Variants in PTPN12 observed in about 807,000 individuals in gnomAD.
The protein encoded by PTPN12 is tyrosine-protein phosphatase non-receptor type 12.
Under a neutral mutation model 97.6 loss-of-function variants are expected in PTPN12, and 29 were observed. That is an observed-to-expected ratio of 0.30 (90% CI 0.22 to 0.41). The LOEUF is 0.41. PTPN12 is among the 10% of genes least tolerant of loss of function. The probability of loss-of-function intolerance (pLI) is 1.00; values close to 1 mark genes in which losing one functional copy is unlikely to be tolerated. For missense variants in PTPN12, 819 were observed against 926.0 expected, an observed-to-expected ratio of 0.88 and a Z score of 1.50; for synonymous variants, 327 against 300.4, an observed-to-expected ratio of 1.09 and a Z score of -0.91.
intron 6 of PTPN12, among the ~76,000 whole-genome samples, chr7:77,596,813 C>G (rs1788036241): frequency 6.6e-6 from 1 of 152,188 alleles, no homozygotes; most frequent in African/African-American, 2.4e-5. Flanking sequence ...ATGTAGCCCT[C>G]ATTATCAACA....
chr7:77,577,961 A>G (rs1375493736), intron 2 of PTPN12, among the ~76,000 whole-genome samples: 1 of 152,210 alleles, frequency 6.6e-6, no homozygotes, highest in Non-Finnish European at 1.5e-5. Context: ...ATGGATATAC[A>G]AAGATTCATT....
chr7:77,541,002 T>TA (rs1806946730), intron 1 of PTPN12, among the ~76,000 whole-genome samples: 1 of 152,258 alleles, frequency 6.6e-6, no homozygotes, highest in Admixed American at 6.5e-5. Flanking sequence ...TGACTGGTGA[T>TA]GATGCTCTTT....
At chr7:77,551,954 A>C (rs1584096549) in intron 1 of PTPN12, among the ~76,000 whole-genome samples, 1 of 152,222 alleles carries the variant, frequency 6.6e-6, no homozygotes, top group Non-Finnish European at 1.5e-5. Flanking sequence ...ATGAATGCCA[A>C]GGAGAAACAT....
chr7:77,537,814 C>A (rs547014628), intron 1 of PTPN12, among the ~76,000 whole-genome samples, 169 bp downstream of exon 1: 3 of 152,114 alleles, frequency 2.0e-5, no homozygotes, highest in South Asian at 4.2e-4. Context: ...GAGGCGAGAG[C>A]GCCTCCCCCC....
At chr7:77,548,586 A>T (rs1354202599) in intron 1 of PTPN12, among the ~76,000 whole-genome samples, 1 of 152,220 alleles carries the variant, frequency 6.6e-6, no homozygotes, top group East Asian at 1.9e-4. Flanking sequence ...GATGCTTTTT[A>T]TATGACATGA....
intron 2 of PTPN12, among the ~76,000 whole-genome samples, chr7:77,576,522 C>A (rs1389851809): frequency 6.6e-6 from 1 of 152,016 alleles, no homozygotes; most frequent in Non-Finnish European, 1.5e-5. Context: ...TACGGTGAAA[C>A]CCCGCCTCTA....
chr7:77,539,750 T>A (rs1371773542), intron 1 of PTPN12, among the ~76,000 whole-genome samples: 2 of 152,168 alleles, frequency 1.3e-5, no homozygotes, highest in Non-Finnish European at 2.9e-5. Flanking sequence ...TGCCTCAGCC[T>A]CCTGAGTAGC....
intron 8 of PTPN12, among the ~76,000 whole-genome samples, chr7:77,601,448 C>G (rs766008489): frequency 3.9e-5 from 6 of 152,044 alleles, no homozygotes; most frequent in African/African-American, 1.4e-4. Flanking sequence ...AGTGATTCTC[C>G]CACTTTGCTC....
intron 5 of PTPN12, among the ~76,000 whole-genome samples, chr7:77,590,559 CTT>C (rs539493706): frequency 1.2e-4 from 17 of 141,728 alleles, no homozygotes; most frequent in Admixed American, 2.8e-4. Context: ...TTTTTTAAAT[CTT>C]TTTTTTTTTT....
At chr7:77,578,229 T>C (rs944991847) in intron 2 of PTPN12, among the ~76,000 whole-genome samples, 7 of 152,196 alleles carry the variant, frequency 4.6e-5, no homozygotes, top group African/African-American at 1.7e-4. Flanking sequence ...CTGAGACCCC[T>C]TATTACTGGC....
At chr7:77,562,838 T>C (rs999361387) in intron 1 of PTPN12, among the ~76,000 whole-genome samples, 6 of 152,142 alleles carry the variant, frequency 3.9e-5, no homozygotes, top group Non-Finnish European at 8.8e-5. Flanking sequence ...ATTCTACTTT[T>C]ATTTCCATAA....
chr7:77,591,264 C>T (rs771644644), intron 5 of PTPN12, among the ~76,000 whole-genome samples: 6 of 152,166 alleles, frequency 3.9e-5, no homozygotes, highest in African/African-American at 9.7e-5. Context: ...ATTAGGAATT[C>T]ATTAACCAAT....
At chr7:77,616,415 C>T (rs1314838192) in intron 11 of PTPN12, among the ~76,000 whole-genome samples, 2 of 152,028 alleles carry the variant, frequency 1.3e-5, no homozygotes, top group African/African-American at 2.4e-5. Context: ...ATACCATGTC[C>T]TTCTTACATT....
intron 8 of PTPN12, among the ~76,000 whole-genome samples, chr7:77,603,420 G>A (rs1763844467): frequency 6.6e-6 from 1 of 152,202 alleles, no homozygotes; most frequent in African/African-American, 2.4e-5. Context: ...TAGTTCCACT[G>A]GAGATAACCA....
chr7:77,580,598 G>A (rs1428730444), intron 2 of PTPN12, among the ~76,000 whole-genome samples: 1 of 151,590 alleles, frequency 6.6e-6, no homozygotes, highest in African/African-American at 2.4e-5. Context: ...CTTTCTTTAA[G>A]GTCTAATTTT....
intron 13 of PTPN12, 73 bp downstream of exon 13, chr7:77,627,748 T>C (rs1255525341): frequency 7.2e-7 from 1 of 1,380,830 alleles, no homozygotes; most frequent in Non-Finnish European, 9.5e-7. Flanking sequence ...TTTAGCTGTA[T>C]TGATTTATTA....
chr7:77,615,412 A>G (rs1032335597), intron 11 of PTPN12, among the ~76,000 whole-genome samples: 1 of 152,198 alleles, frequency 6.6e-6, no homozygotes, highest in African/African-American at 2.4e-5. Context: ...GGAAAATAAC[A>G]GTACGCAAGA....
chr7:77,621,676 A>G (rs1031371477), intron 12 of PTPN12, among the ~76,000 whole-genome samples: 54 of 152,106 alleles, frequency 3.6e-4, no homozygotes, highest in Non-Finnish European at 4.7e-4. Flanking sequence ...ATCTCAAAAA[A>G]AAAAGTACAT....
chr7:77,617,845 A>G (rs936329946), intron 11 of PTPN12, among the ~76,000 whole-genome samples: 1 of 152,184 alleles, frequency 6.6e-6, no homozygotes, highest in South Asian at 2.1e-4. Context: ...TAATGATGTT[A>G]TTGGTCCTTG....
Sources: gnomAD v4.1 joint callset for allele counts (sites outside exome capture counted in the v4.1 genomes callset) on GRCh38, gnomAD v4.1.1 for gene constraint, MANE v1.5 for transcripts, NCBI Gene and HGNC (gene_info 2026-07-23, HGNC 2026-07-21) for gene names.